Variants in GRID2 observed in about 807,000 individuals in gnomAD.
GRID2 encodes glutamate receptor ionotropic, delta-2.
GRID2 carries 33 observed loss-of-function variants against 114.8 expected under a neutral mutation model. The ratio of observed to expected loss-of-function variants is 0.29; its 90% CI spans 0.22 to 0.38. The LOEUF (loss-of-function observed/expected upper bound fraction) is 0.38, where lower values mean the gene tolerates loss of function less well. Among genes scored for constraint, GRID2 ranks in the 10% least tolerant of loss-of-function variants. GRID2 has a pLI of 1.00. For missense variants in GRID2, 1,184 were observed against 1,257.7 expected (o/e 0.94, Z 0.89); for synonymous variants, 505 against 449.9 (o/e 1.12, Z -1.55).
At chr4:92,317,234 T>C (rs2110119464) in intron 1 of GRID2, among the ~76,000 whole-genome samples, 1 of 152,272 alleles carries the variant, frequency 6.6e-6, no homozygotes, top group East Asian at 1.9e-4. Flanking sequence ...AAAATGACAG[T>C]TTTATGACAT....
chr4:92,914,285 G>T (rs186734415), intron 2 of GRID2, among the ~76,000 whole-genome samples: 279 of 152,104 alleles, frequency 1.8e-3, no homozygotes, highest in African/African-American at 5.3e-3. Flanking sequence ...AAAATGCTTG[G>T]TAATTATTTC....
At position 93,783,632 on chromosome 4, in the gene GRID2, G is replaced by A. The variant is rs550732987; in HGVS notation, c.221+14182G>A. Among the ~76,000 whole-genome samples the A allele has an allele frequency of 1.4e-4, 22 of 152,280 alleles. No homozygotes were observed. The South Asian group carries it at 4.4e-3, about 30-fold the overall frequency. The stretch of plus-strand genomic sequence containing the variant: ...ACAGATTCAGAGAAATACTCTGCCG[G>A]ATTAGCATCTACAGAAGACACTGCT... On this transcript the variant is annotated intron_variant, in intron 1 of 1. Coordinates refer to the GRID2 transcript ENST00000637838.
chr4:93,052,830 G>T (rs1417239930), intron 2 of GRID2, among the ~76,000 whole-genome samples: 1 of 151,792 alleles, frequency 6.6e-6, no homozygotes, highest in East Asian at 1.9e-4. Context: ...ATTCCAAAGG[G>T]ATTAGTCTCA....
At chr4:92,485,977 A>G (rs1040657466) in intron 1 of GRID2, among the ~76,000 whole-genome samples, 5 of 152,132 alleles carry the variant, frequency 3.3e-5, no homozygotes, top group African/African-American at 7.2e-5. Flanking sequence ...GATAACAAAA[A>G]TGATGGAACT....
At chr4:93,418,231 C>A (rs1399571107) in intron 9 of GRID2, among the ~76,000 whole-genome samples, 1 of 151,632 alleles carries the variant, frequency 6.6e-6, no homozygotes, top group Non-Finnish European at 1.5e-5. Flanking sequence ...TATCAGACTA[C>A]CTCACTTTCT....
At position 93,385,598 on chromosome 4, in the gene GRID2, C is replaced by T. The variant is rs1331071006; in HGVS notation, c.1246-10009C>T. Among the ~76,000 whole-genome samples, 4 of 152,106 alleles carry T rather than the reference C, an allele frequency of 2.6e-5. No individual in the cohort carries two copies. The East Asian group carries it at 5.8e-4, about 22-fold the overall frequency. On this transcript the variant is annotated intron_variant, in intron 8 of 15. Transcript: ENST00000282020. ...CAAAGATCTTTGCCTATGGAACTTG[C>T]AGTCTAGTAGGGGACATAAGTTATT...
At chr4:92,874,828 C>T (rs1362829365) in intron 2 of GRID2, among the ~76,000 whole-genome samples, 2 of 152,184 alleles carry the variant, frequency 1.3e-5, no homozygotes, top group Non-Finnish European at 2.9e-5. Flanking sequence ...CATCACTCTT[C>T]AAAGATTTGT....
At chr4:92,916,007 A>C (rs1478560311) in intron 2 of GRID2, among the ~76,000 whole-genome samples, 1 of 152,058 alleles carries the variant, frequency 6.6e-6, no homozygotes, top group African/African-American at 2.4e-5. Context: ...ATTTTCTCCC[A>C]TTCTATAACT....
intron 1 of GRID2, among the ~76,000 whole-genome samples, chr4:92,450,204 A>G (rs1416569277): frequency 6.6e-6 from 1 of 152,098 alleles, no homozygotes; most frequent in African/African-American, 2.4e-5. Context: ...TCATATTTTC[A>G]TCTTCTGGTG....
At chr4:93,215,724 A>C (rs1221422894) in intron 5 of GRID2, among the ~76,000 whole-genome samples, 1 of 152,094 alleles carries the variant, frequency 6.6e-6, no homozygotes, top group African/African-American at 2.4e-5. Flanking sequence ...TACAAGAATA[A>C]TATGTAATTA....
At chr4:93,749,915 G>T (rs1482610883) in intron 14 of GRID2, among the ~76,000 whole-genome samples, 1 of 152,096 alleles carries the variant, frequency 6.6e-6, no homozygotes, top group African/African-American at 2.4e-5. Context: ...TACCTCACAG[G>T]GTGATTTCGA....
At chr4:93,408,571 C>T (rs531383155) in intron 9 of GRID2, among the ~76,000 whole-genome samples, 1 of 151,948 alleles carries the variant, frequency 6.6e-6, no homozygotes. Flanking sequence ...TATATATGTG[C>T]TAATAATTAA....
At chr4:93,734,291 T>C (rs569821106) in intron 14 of GRID2, among the ~76,000 whole-genome samples, 2 of 152,156 alleles carry the variant, frequency 1.3e-5, no homozygotes, top group African/African-American at 4.8e-5. Flanking sequence ...TCTCTCCTTT[T>C]CCTTAGAATA....
At chr4:93,138,572 C>T (rs1735482403) in intron 4 of GRID2, among the ~76,000 whole-genome samples, 1 of 152,148 alleles carries the variant, frequency 6.6e-6, no homozygotes, top group African/African-American at 2.4e-5. Flanking sequence ...TCTTCAGATA[C>T]TGCTGTAACT....
intron 2 of GRID2, among the ~76,000 whole-genome samples, chr4:92,804,829 G>A (rs1740336648): frequency 6.6e-6 from 1 of 151,976 alleles, no homozygotes; most frequent in Non-Finnish European, 1.5e-5. Context: ...ATAGGCTGGA[G>A]CCTAAATTTA....
chr4:92,925,711 G>C (rs1291359696), intron 2 of GRID2, among the ~76,000 whole-genome samples: 1 of 151,898 alleles, frequency 6.6e-6, no homozygotes, highest in African/African-American at 2.4e-5. Context: ...TTCCTACCCA[G>C]GCATTCACTT....
At chr4:92,382,793 C>G (rs1006037206) in intron 1 of GRID2, among the ~76,000 whole-genome samples, 2 of 151,884 alleles carry the variant, frequency 1.3e-5, no homozygotes, top group African/African-American at 4.8e-5. Context: ...TTCCAGAAAG[C>G]CATTCCATTC....
intron 2 of GRID2, among the ~76,000 whole-genome samples, chr4:92,914,645 C>T (rs1748644204): frequency 6.6e-6 from 1 of 152,046 alleles, no homozygotes; most frequent in African/African-American, 2.4e-5. Flanking sequence ...CATTTAGTTC[C>T]CACTTGTAAG....
At chr4:93,778,696 T>G (rs540376294), downstream of GRID2, among the ~76,000 whole-genome samples, 1 of 152,184 alleles carries the variant, frequency 6.6e-6, no homozygotes, top group Admixed American at 6.5e-5. Flanking sequence ...CCACGCCCAG[T>G]CTTATATCAT....
Sources: allele counts gnomAD v4.1 joint callset (sites outside exome capture counted in the v4.1 genomes callset), GRCh38; gene constraint gnomAD v4.1.1; transcripts MANE v1.5; gene names NCBI Gene and HGNC (gene_info 2026-07-23, HGNC 2026-07-21).